The following RSRC2 variants were observed in gnomAD, a reference collection of about 807,000 sequenced individuals.
The protein encoded by RSRC2 is arginine and serine rich coiled-coil 2.
In RSRC2, 5 loss-of-function variants were observed where a neutral mutation model predicts 61.3. The ratio of observed to expected loss-of-function variants is 0.08; its 90% CI spans 0.04 to 0.17. RSRC2 has a LOEUF of 0.17. RSRC2 is among the 10% of genes least tolerant of loss of function. The probability of loss-of-function intolerance (pLI) is 1.00; values close to 1 mark genes in which losing one functional copy is unlikely to be tolerated. For synonymous variants in RSRC2, 202 were observed against 166.5 expected, an observed-to-expected ratio of 1.21 and a Z score of -1.64; for missense variants, 381 against 518.8, an observed-to-expected ratio of 0.73 and a Z score of 2.58.
rs1959018425 is a variant in RSRC2 at position 122,517,322 on chromosome 12, G to A, written c.507C>T (p.Ser169=). 6.2e-7 allele frequency: 1 copy of A among 1,613,842 alleles called. No homozygotes were observed. Among genetic ancestry groups the A allele is most frequent in the South Asian group, 1.1e-5 (1 of 91,074 alleles). The part of the protein sequence containing the change: ...SRERKKSRSR[S]RERKRRIRSR... ...ACCTGATCCGCCGTTTTCTTTCCCT[G>A]CTTCTGGATCTCGATTTCTTCCTCT... The change falls in exon 5 of 10, where the codon AGC becomes AGT. Residue 169 remains serine, a synonymous_variant. Coordinates refer to ENST00000331738, the MANE Select transcript of RSRC2 (RefSeq NM_023012.6).
chr12:122,510,258 G>T (rs907295482), intron 7 of RSRC2, among the ~76,000 whole-genome samples: 1 of 152,194 alleles, frequency 6.6e-6, no homozygotes, highest in Admixed American at 6.6e-5. Context: ...GGGGCCGGGC[G>T]TGGTGGCTCA....
At chr12:122,505,784 ATT>A (rs576425889) in intron 9 of RSRC2, 78 bp from the exon 10 acceptor site, 658 of 1,056,724 alleles carry the variant, frequency 6.2e-4, no homozygotes, top group African/African-American at 2.6e-3. Context: ...TTTTTTATGT[ATT>A]TTTTTTTTTT....
At chr12:122,525,222 A>C (rs1959927683) in intron 1 of RSRC2, among the ~76,000 whole-genome samples, 1 of 152,002 alleles carries the variant, frequency 6.6e-6, no homozygotes, top group South Asian at 2.1e-4. Context: ...AAAAATATAA[A>C]AAAATTAGCC....
At position 122,503,944 on chromosome 12, in the gene RSRC2, T is replaced by A. The variant is rs1957996315; in HGVS notation, c.*1583A>T. The A allele has an allele frequency of 6.6e-6, 1 of 151,674 alleles. No homozygotes were observed. Among genetic ancestry groups the A allele is most frequent in the Non-Finnish European group, 1.5e-5 (1 of 67,944 alleles). The allele number at this position is 151,674 out of a possible 1,614,324, so 9.4% of individuals were successfully genotyped here. ...TAAAAAATTAAAAACAAGCTAGGTGTGTTGGTGAGCACCTGTGGTCCCAGG... is the reference window on the plus strand; with the variant it reads ...TAAAAAATTAAAAACAAGCTAGGTGAGTTGGTGAGCACCTGTGGTCCCAGG... On this transcript the variant is annotated 3_prime_UTR_variant, in exon 10 of 10. Transcript: ENST00000331738.
At position 122,505,432 on chromosome 12, in the gene RSRC2, C is replaced by T; in HGVS notation, c.*95G>A. 1 of 1,132,878 alleles carries T rather than the reference C, an allele frequency of 8.8e-7. No individual in the cohort carries two copies. Among genetic ancestry groups the T allele is most frequent in the South Asian group, 1.5e-5 (1 of 65,344 alleles). The allele number at this position is 1,132,878 out of a possible 1,614,324, so 70.2% of individuals were successfully genotyped here. ...TCAATAAATTAAAGTCAATGCAACA[C>T]CCATGCAAGCTAGAGTGCTAGCTGT... On this transcript the variant is annotated 3_prime_UTR_variant, in exon 10 of 10. Transcript: ENST00000331738.
At chr12:122,508,646 C>A (rs1452300350) in intron 7 of RSRC2, among the ~76,000 whole-genome samples, 199 bp from the exon 8 acceptor site, 1 of 152,164 alleles carries the variant, frequency 6.6e-6, no homozygotes, top group Non-Finnish European at 1.5e-5. Context: ...CATATTTCTA[C>A]ATAAACCCTT....
chr12:122,516,550 T>C (rs13377981), intron 5 of RSRC2, among the ~76,000 whole-genome samples: 6,531 of 152,278 alleles, frequency 0.043, 475 homozygotes, highest in African/African-American at 0.15. Context: ...ACGACACACT[T>C]ACCTTTCAAC....
intron 6 of RSRC2, chr12:122,513,800 G>T (rs1278780113): frequency 2.0e-6 from 2 of 985,292 alleles, no homozygotes; most frequent in Non-Finnish European, 2.4e-6. Flanking sequence ...GTTTCTGTCA[G>T]GCTGGGTTCC....
intron 7 of RSRC2, among the ~76,000 whole-genome samples, chr12:122,508,659 T>C (rs1157114485): frequency 1.3e-5 from 2 of 152,172 alleles, no homozygotes; most frequent in Non-Finnish European, 2.9e-5. Flanking sequence ...AAACCCTTGA[T>C]ATATAAACCA....
At chr12:122,526,491 AG>A (rs1960453991) in intron 1 of RSRC2, among the ~76,000 whole-genome samples, 1 of 151,926 alleles carries the variant, frequency 6.6e-6, no homozygotes, top group African/African-American at 2.4e-5. Flanking sequence ...TCTCTTCCCC[AG>A]CCCCTTTCTC....
chr12:122,513,234 A>C (rs1400646776), intron 6 of RSRC2, among the ~76,000 whole-genome samples: 3 of 91,982 alleles, frequency 3.3e-5, no homozygotes, highest in Non-Finnish European at 7.3e-5. Flanking sequence ...TAAATAAATA[A>C]ATAAATAAAT....
chr12:122,511,504 A>G (rs767880348), intron 6 of RSRC2, among the ~76,000 whole-genome samples: 1 of 152,242 alleles, frequency 6.6e-6, no homozygotes, highest in Non-Finnish European at 1.5e-5. Context: ...AAAGCTGAGT[A>G]AATTTTAGAG....
intron 6 of RSRC2, among the ~76,000 whole-genome samples, chr12:122,514,144 CCT>C (rs1021040173): frequency 2.0e-5 from 3 of 151,994 alleles, no homozygotes; most frequent in Non-Finnish European, 4.4e-5. Context: ...TTACTTTTTG[CCT>C]CTCTATGAGG....
At chr12:122,514,688 T>C in intron 6 of RSRC2, 1 of 1,154,226 alleles carries the variant, frequency 8.7e-7, no homozygotes. Context: ...TTCAAAATAA[T>C]AATATTGACA....
At chr12:122,522,398 A>T (rs758098695) in intron 1 of RSRC2, 99 bp from the exon 2 acceptor site, 4 of 1,093,314 alleles carry the variant, frequency 3.7e-6, no homozygotes, top group Non-Finnish European at 5.1e-6. Context: ...AGCCCCCCAC[A>T]ATCAATAAAT....
At chr12:122,506,211 C>A (rs1446995464) in intron 9 of RSRC2, among the ~76,000 whole-genome samples, 1 of 151,984 alleles carries the variant, frequency 6.6e-6, no homozygotes, top group Non-Finnish European at 1.5e-5. Flanking sequence ...CATGGTGAAA[C>A]CCCGTCTATA....
intron 3 of RSRC2, chr12:122,520,520 C>G (rs1288238349): frequency 7.3e-7 from 1 of 1,366,120 alleles, no homozygotes; most frequent in Non-Finnish European, 9.8e-7. Flanking sequence ...ATGAAGTAGG[C>G]TTATTATTTT....
chr12:122,508,944 G>A (rs58158680), intron 7 of RSRC2, among the ~76,000 whole-genome samples: 4,820 of 151,378 alleles, frequency 0.032, 272 homozygotes, highest in African/African-American at 0.11. Flanking sequence ...CAACAAGAGC[G>A]AAACTCCGTA....
At chr12:122,512,981 CCAG>C (rs1418237160) in intron 6 of RSRC2, among the ~76,000 whole-genome samples, 1 of 151,758 alleles carries the variant, frequency 6.6e-6, no homozygotes, top group East Asian at 1.9e-4. Context: ...CTGCTTGAGG[CCAG>C]CAGTTCGAGA....
Sources: gnomAD v4.1 joint callset for allele counts (sites outside exome capture counted in the v4.1 genomes callset) on GRCh38, gnomAD v4.1.1 for gene constraint, MANE v1.5 for transcripts, NCBI Gene and HGNC (gene_info 2026-07-23, HGNC 2026-07-21) for gene names.